Variants in ARSG observed in about 807,000 individuals in gnomAD.
The protein encoded by ARSG is arylsulfatase G, also known as ASG.
ARSG carries 37 observed loss-of-function variants against 50.5 expected under a neutral mutation model. That is an observed-to-expected ratio of 0.73 (90% confidence interval 0.56 to 0.96). ARSG has a LOEUF of 0.96. ARSG is among the 50% of genes least tolerant of loss of function. The pLI is 0.00. For synonymous variants in ARSG, 225 were observed against 254.6 expected, an observed-to-expected ratio of 0.88 and a Z score of 1.11; for missense variants, 629 against 675.3, an observed-to-expected ratio of 0.93 and a Z score of 0.76.
chr17:68,379,421 ATTTTTTTTTTTTT>A (rs375841879), intron 8 of ARSG, among the ~76,000 whole-genome samples: 3 of 72,248 alleles, frequency 4.2e-5, no homozygotes, highest in South Asian at 6.6e-4. Context: ...GAACACTACA[ATTTTTTTTTTTTT>A]TTTTTTTTTT....
At chr17:68,331,209 C>T (rs1453507034) in intron 2 of ARSG, among the ~76,000 whole-genome samples, 2 of 40,592 alleles carry the variant, frequency 4.9e-5, no homozygotes, top group African/African-American at 2.0e-4. Context: ...TTCTTTCTTT[C>T]TTTCTTTCTT....
intron 1 of ARSG, among the ~76,000 whole-genome samples, chr17:68,300,605 TC>T (rs1460929263): frequency 2.0e-5 from 3 of 152,130 alleles, no homozygotes; most frequent in African/African-American, 7.2e-5. Context: ...CTCTCTCTGA[TC>T]TGTGAGCGAG....
At chr17:68,391,224 G>A (rs1430872410) in intron 9 of ARSG, among the ~76,000 whole-genome samples, 1 of 152,114 alleles carries the variant, frequency 6.6e-6, no homozygotes, top group African/African-American at 2.4e-5. Context: ...ATGACTTTGG[G>A]CTGCATGTGC....
At chr17:68,356,874 C>T in intron 6 of ARSG, 70 bp downstream of exon 6, 1 of 1,595,104 alleles carries the variant, frequency 6.3e-7, no homozygotes, top group Non-Finnish European at 8.6e-7. Flanking sequence ...CACCATGTCC[C>T]TTGGCCTCAG....
chr17:68,368,678 C>G lies in ARSG; in HGVS notation c.835C>G (p.Leu279Val), dbSNP rs144673801. 212 of 1,614,122 alleles carry G rather than the reference C, an allele frequency of 1.3e-4. No individual in the cohort carries two copies. The African/African-American group carries it at 2.7e-3, about 20-fold the overall frequency. ...TGCAGGGCTCTGGGAGATGGACAGT[C>G]TGGTGGGCCAGATCAAGGACAAAGT... ...YGAGLWEMDS[L>V]VGQIKDKVDH... The change falls in exon 7 of 12, where the codon CTG (leucine) becomes GTG (valine). Residue 279 changes from leucine to valine, a missense_variant. Coordinates refer to ENST00000621439, the MANE Select transcript of ARSG (RefSeq NM_001267727.2).
chr17:68,357,977 G>A (rs903476353), intron 6 of ARSG, among the ~76,000 whole-genome samples: 3 of 152,138 alleles, frequency 2.0e-5, no homozygotes, highest in Non-Finnish European at 4.4e-5. Context: ...GCCAAGATGG[G>A]CAGATTGTTT....
intron 1 of ARSG, among the ~76,000 whole-genome samples, chr17:68,270,591 C>T (rs34080227): frequency 0.031 from 4,650 of 151,574 alleles, 100 homozygotes; most frequent in Non-Finnish European, 0.053. Flanking sequence ...ATCTGGACTA[C>T]AGACACAGCT....
At chr17:68,282,163 A>T (rs1316221846) in intron 1 of ARSG, among the ~76,000 whole-genome samples, 9 of 152,322 alleles carry the variant, frequency 5.9e-5, no homozygotes, top group African/African-American at 2.2e-4. Context: ...ATGGAATACT[A>T]TGCAGCCATA....
chr17:68,317,633 A>C (rs1158418378), intron 2 of ARSG, among the ~76,000 whole-genome samples: 2 of 151,934 alleles, frequency 1.3e-5, no homozygotes, highest in African/African-American at 4.8e-5. Flanking sequence ...CAGCCAACCT[A>C]TTTTGCCGTT....
chr17:68,350,328 A>G (rs1427081163), intron 4 of ARSG, among the ~76,000 whole-genome samples: 1 of 152,212 alleles, frequency 6.6e-6, no homozygotes, highest in Admixed American at 6.5e-5. Context: ...TGGGCCTGGA[A>G]TTTGAGGCTA....
chr17:68,343,963 A>G (rs566767346), intron 3 of ARSG, among the ~76,000 whole-genome samples, 172 bp downstream of exon 3: 13 of 152,320 alleles, frequency 8.5e-5, no homozygotes, highest in Middle Eastern at 3.4e-3. Flanking sequence ...TAAAACATAC[A>G]TGGAGCTATT....
the ARSG span, among the ~76,000 whole-genome samples, chr17:68,440,212 T>G: frequency 2.6e-5 from 4 of 152,170 alleles, no homozygotes; most frequent in Admixed American, 1.3e-4. Flanking sequence ...CTTCCTACCC[T>G]TACAGACTTA....
chr17:68,401,484 A>T (rs763378030), intron 11 of ARSG, 34 bp downstream of exon 11: 2 of 1,600,166 alleles, frequency 1.2e-6, no homozygotes, highest in East Asian at 4.5e-5. Context: ...TGCCTCCCAC[A>T]GTCACAGCTG....
At chr17:68,360,406 C>A (rs1256468846) in intron 6 of ARSG, among the ~76,000 whole-genome samples, 1 of 152,190 alleles carries the variant, frequency 6.6e-6, no homozygotes, top group East Asian at 1.9e-4. Context: ...TTTTCAAAAC[C>A]ACCAGCTGTC....
chr17:68,324,785 C>T (rs73355967), intron 2 of ARSG, among the ~76,000 whole-genome samples: 2,857 of 152,236 alleles, frequency 0.019, 87 homozygotes, highest in African/African-American at 0.065. Flanking sequence ...CCACTTGGTA[C>T]GTGTTAGATA....
chr17:68,387,257 T>C (rs900718805), intron 9 of ARSG, among the ~76,000 whole-genome samples: 2 of 152,082 alleles, frequency 1.3e-5, no homozygotes, highest in Non-Finnish European at 2.9e-5. Flanking sequence ...GCCTCCCAAG[T>C]AGCTGGGACT....
chr17:68,370,880 C>T (rs866179398), intron 8 of ARSG, among the ~76,000 whole-genome samples: 56 of 152,304 alleles, frequency 3.7e-4, no homozygotes, highest in African/African-American at 1.3e-3. Context: ...TTTAAAACTT[C>T]ATCCCTCCAT....
At chr17:68,382,350 G>A (rs2080477357) in intron 8 of ARSG, among the ~76,000 whole-genome samples, 2 of 152,224 alleles carry the variant, frequency 1.3e-5, no homozygotes, top group African/African-American at 2.4e-5. Flanking sequence ...TAACTTGAGA[G>A]GTTGTCATAA....
rs10660116 is a variant in ARSG, at chr17:68,313,681, C to CTTTTTTTTTT, written c.218+5971_218+5972insTTTTTTTTTT. The stretch of plus-strand genomic sequence containing the variant: ...AGCTGTATTACGTATCTCTCTCTCT[C>CTTTTTTTTTT]TCTTTTTTTTTTTTTTGAGACACAG... On this transcript the variant is annotated intron_variant, in intron 2 of 11. Transcript: ENST00000621439. Among the ~76,000 whole-genome samples the CTTTTTTTTTT allele has an allele frequency of 3.2e-5, 4 of 123,398 alleles. 1 individual carries two copies. Among genetic ancestry groups the CTTTTTTTTTT allele is most frequent in the Non-Finnish European group, 3.4e-5 (2 of 59,618 alleles). 81.0% of individuals were successfully genotyped at this position (123,398 alleles called of 152,430 possible). A position where few individuals can be genotyped will look rare whatever the true frequency, so the allele number is the denominator to read the frequency against.
Sources: allele counts gnomAD v4.1 joint callset (sites outside exome capture counted in the v4.1 genomes callset), GRCh38; gene constraint gnomAD v4.1.1; transcripts MANE v1.5; gene names NCBI Gene and HGNC (gene_info 2026-07-23, HGNC 2026-07-21).